The following NUP214 variants were observed in gnomAD, a reference collection of about 807,000 sequenced individuals.
NUP214 encodes nucleoporin 214, also known as nuclear pore complex protein Nup214.
In NUP214, 79 loss-of-function variants were observed where a neutral mutation model predicts 196.2. That is an observed-to-expected ratio of 0.40 (90% CI 0.34 to 0.49). The LOEUF is 0.49. NUP214 is among the 20% of genes least tolerant of loss of function. The pLI is 0.58. For synonymous variants in NUP214, 1,020 were observed against 990.5 expected (o/e 1.03, Z -0.56); for missense variants, 2,468 against 2,539.0 (o/e 0.97, Z 0.60).
rs139724344 is a variant in NUP214 at position 131,128,417 on chromosome 9, G to A, written c.327G>A (p.Ala109=). 48 of 1,613,668 alleles carry A rather than the reference G, an allele frequency of 3.0e-5. No homozygotes were observed. The highest frequency in any genetic ancestry group is 3.3e-4 in the Middle Eastern group (2 of 6,062). ...GCTGTGATAACCTCACACTCTCTGC[G>A]TGCATGATGTCCAGTGAATATGGTT... ...ALSCDNLTLS[A]CMMSSEYGSI... Residue 109 remains alanine (A), a synonymous_variant, in exon 3 of 36, where the codon GCG becomes GCA. Coordinates refer to ENST00000359428, the MANE Select transcript of NUP214 (RefSeq NM_005085.4).
chr9:131,148,039 T>A (rs1009307600), intron 14 of NUP214, among the ~76,000 whole-genome samples: 1 of 152,206 alleles, frequency 6.6e-6, no homozygotes, highest in African/African-American at 2.4e-5. Context: ...ACGCAAAAAT[T>A]AGCCGGGCGT....
At chr9:131,150,252 G>T (rs1832217301) in intron 14 of NUP214, 72 bp from the exon 15 acceptor site, 2 of 1,323,674 alleles carry the variant, frequency 1.5e-6, no homozygotes, top group African/African-American at 1.4e-5. Context: ...GCCACTCCCT[G>T]TAATAGGCTC....
At chr9:131,159,266 T>G in intron 17 of NUP214, 117 bp from the exon 18 acceptor site, 1 of 699,982 alleles carries the variant, frequency 1.4e-6, no homozygotes, top group Non-Finnish European at 2.4e-6. Flanking sequence ...TCTGTTTTCC[T>G]TGTTCATTAT....
At position 131,164,136 on chromosome 9, in the gene NUP214, C is replaced by T; in HGVS notation, c.2885C>T (p.Thr962Ile). Reference sequence around the variant, plus strand: ...AGGAAGACCCCACCAGTGAGATCCACTGCTCCAGGTAAAGAGAACCAGTAA... The same window carrying T: ...AGGAAGACCCCACCAGTGAGATCCATTGCTCCAGGTAAAGAGAACCAGTAA... Reference protein sequence around the residue: ...AKRKTPPVRSTAPASLSRSAF... With the variant: ...AKRKTPPVRSIAPASLSRSAF... The change falls in exon 21 of 36, where the codon ACT (threonine) becomes ATT (isoleucine). Residue 962 changes from threonine to isoleucine, a missense_variant. Thr to Ile is a moderately conservative substitution (Grantham distance 89). Around this residue, in one of 5 missense-constraint regions of NUP214, gnomAD observed 1,801 missense variants for 1,779.4 expected, o/e 1.01. Transcript: ENST00000359428. 1.9e-6 allele frequency: 3 copies of T among 1,614,072 alleles called. No individual in the cohort carries two copies. Among genetic ancestry groups the T allele is most frequent in the Non-Finnish European group, 2.5e-6 (3 of 1,179,970 alleles).
chr9:131,232,442 G>A lies in NUP214; in HGVS notation c.6239+134G>A, dbSNP rs932019998. ...TTAGAGTTTGTCCTGGAAGTGTGGG[G>A]GTTCAGCAGCAGGGTTTGGGTTTTG... On this transcript the variant is annotated intron_variant, in intron 35 of 35. Transcript: ENST00000359428. The surrounding 1 kb of genome is among the most constrained non-coding windows in gnomAD (Gnocchi z 5.1). 3 of 916,196 alleles carry A rather than the reference G, an allele frequency of 3.3e-6. No individual in the cohort carries two copies. Among genetic ancestry groups the A allele is most frequent in the Non-Finnish European group, 3.6e-6 (2 of 562,710 alleles). 56.8% of individuals were successfully genotyped at this position (916,196 alleles called of 1,614,324 possible). A position where few individuals can be genotyped will look rare whatever the true frequency, so the allele number is the denominator to read the frequency against.
intron 31 of NUP214, among the ~76,000 whole-genome samples, chr9:131,222,248 G>GC (rs1006952583): frequency 3.3e-5 from 5 of 152,232 alleles, no homozygotes; most frequent in African/African-American, 1.2e-4. Flanking sequence ...AGCTCAGGCA[G>GC]CCATAAGCAT....
chr9:131,139,598 G>A (rs1031089393), intron 10 of NUP214, among the ~76,000 whole-genome samples, 191 bp downstream of exon 10: 2 of 152,132 alleles, frequency 1.3e-5, no homozygotes, highest in African/African-American at 2.4e-5. Flanking sequence ...ATGGATGTTC[G>A]TTGATGAGAC....
chr9:131,131,636 A>C (rs143821016), intron 5 of NUP214, among the ~76,000 whole-genome samples: 2 of 152,100 alleles, frequency 1.3e-5, no homozygotes, highest in East Asian at 3.8e-4. Flanking sequence ...AGATAATGCA[A>C]TTTTTTAAAT....
In NUP214 at chr9:131,222,806, G is replaced by A. The variant is rs1173270622; in HGVS notation, c.5778G>A (p.Gly1926=). 4 of 1,614,002 alleles carry A rather than the reference G, an allele frequency of 2.5e-6. No homozygotes were observed. Among genetic ancestry groups the A allele is most frequent in the Non-Finnish European group, 2.5e-6 (3 of 1,180,040 alleles). ...CCTCTAACCTATTTGGAAACAGTGG[G>A]GCCAAGACATTTGGTGGATTTGCCA... The part of the protein sequence containing the change: ...SNTSNLFGNS[G]AKTFGGFASS... Residue 1926 remains glycine (G), a synonymous_variant, in exon 32 of 36, where the codon GGG becomes GGA. Coordinates refer to ENST00000359428, the MANE Select transcript of NUP214 (RefSeq NM_005085.4).
chr9:131,216,550 T>C (rs1280617620), intron 31 of NUP214, among the ~76,000 whole-genome samples: 9 of 149,036 alleles, frequency 6.0e-5, no homozygotes, highest in Non-Finnish European at 1.3e-4. Flanking sequence ...TCCTTTTTTT[T>C]GAAACGGAGT....
In NUP214 at chr9:131,140,620, T is replaced by G. The variant is rs1831880673; in HGVS notation, c.1204T>G (p.Tyr402Asp). The G allele has an allele frequency of 1.2e-6, 2 of 1,614,112 alleles. No homozygotes were observed. Among genetic ancestry groups the G allele is most frequent in the East Asian group, 4.5e-5 (2 of 44,882 alleles). ...AACAGATGGTGTGCTTTGTCCATTT[T>G]ATATGATTAATCAAAATCCTGGGGT... ...LSTDGVLCPF[Y>D]MINQNPGVKS... The change falls in exon 11 of 36, where the codon TAT becomes GAT. Residue 402 changes from tyrosine (Y) to aspartate (D), a missense_variant. By Grantham distance (160) the Tyr-to-Asp change is radical. This residue lies in a region of NUP214 where 1,801 missense variants were observed against 1,779.4 expected (regional missense o/e 1.01). Transcript: ENST00000359428.
chr9:131,150,871 T>G (rs1452644790), intron 16 of NUP214, 106 bp downstream of exon 16: 2 of 1,128,666 alleles, frequency 1.8e-6, no homozygotes, highest in East Asian at 2.5e-5. Context: ...ACCACCAGTG[T>G]TGTTGTTTTT....
chr9:131,218,800 G>C (rs891267365), intron 31 of NUP214, among the ~76,000 whole-genome samples: 28 of 152,086 alleles, frequency 1.8e-4, no homozygotes, highest in African/African-American at 6.8e-4. Flanking sequence ...CTGGAATTCA[G>C]GGCCCTCCTT....
At chr9:131,163,308 C>T (rs554354105) in intron 19 of NUP214, 135 bp downstream of exon 19, 1 of 828,186 alleles carries the variant, frequency 1.2e-6, no homozygotes, top group African/African-American at 1.7e-5. Flanking sequence ...CAGGGTCCCA[C>T]CCTCTCTGAT....
intron 24 of NUP214, 31 bp downstream of exon 24, chr9:131,178,441 C>T (rs1304654108): frequency 1.3e-6 from 2 of 1,509,946 alleles, no homozygotes; most frequent in Non-Finnish European, 9.2e-7. Flanking sequence ...GTTTCAGCCC[C>T]TGGCTGCTTC....
chr9:131,200,950 C>G (rs1833922691), intron 29 of NUP214, among the ~76,000 whole-genome samples: 1 of 151,554 alleles, frequency 6.6e-6, no homozygotes, highest in Non-Finnish European at 1.5e-5. Flanking sequence ...TTTCTGGTCA[C>G]TGAAAGTGAG....
intron 11 of NUP214, among the ~76,000 whole-genome samples, chr9:131,142,889 C>A (rs1289555985): frequency 1.3e-5 from 2 of 152,024 alleles, no homozygotes; most frequent in Non-Finnish European, 2.9e-5. Flanking sequence ...TTTGGAACAA[C>A]CAAGTCCTAT....
chr9:131,129,495 T>TC lies in NUP214; in HGVS notation c.592+19dup, dbSNP rs1265322081. 1.9e-6 allele frequency: 3 copies of TC among 1,606,624 alleles called. No individual in the cohort carries two copies. Among genetic ancestry groups the TC allele is most frequent in the Non-Finnish European group, 2.6e-6 (3 of 1,173,258 alleles). On this transcript the variant is annotated intron_variant, in intron 4 of 35. Transcript: ENST00000359428. ...AACCTCTGGTGAGTAATAAAGGCTT[T>TC]CACACTGTAGCATACAATCATGGTC... is the stretch of plus-strand genomic sequence containing the variant.
intron 17 of NUP214, among the ~76,000 whole-genome samples, chr9:131,154,844 C>T (rs895687347): frequency 1.2e-4 from 18 of 151,864 alleles, no homozygotes; most frequent in Admixed American, 6.6e-4. Context: ...TGTGTGTGTG[C>T]GCACGCGCAC....
Sources: allele counts gnomAD v4.1 joint callset (sites outside exome capture counted in the v4.1 genomes callset), GRCh38; gene constraint gnomAD v4.1.1; regional missense constraint gnomAD v4.1.1; non-coding constraint Gnocchi (gnomAD v3.1); transcripts MANE v1.5; gene names NCBI Gene and HGNC (gene_info 2026-07-23, HGNC 2026-07-21).